Variants in GTF2IRD1 observed in about 807,000 individuals in gnomAD.
The protein encoded by GTF2IRD1 is general transcription factor II-I repeat domain-containing protein 1.
GTF2IRD1 carries 26 observed loss-of-function variants against 113.2 expected under a neutral mutation model. The ratio of observed to expected loss-of-function variants is 0.23; its 90% CI spans 0.17 to 0.32. The LOEUF is 0.32. Ranked by LOEUF, GTF2IRD1 falls within the 10% of genes least tolerant of loss-of-function variation. The probability of loss-of-function intolerance (pLI) is 1.00; values close to 1 mark genes in which losing one functional copy is unlikely to be tolerated. For synonymous variants in GTF2IRD1, 484 were observed against 529.1 expected (o/e 0.91, Z 1.17); for missense variants, 864 against 1,280.8 (o/e 0.67, Z 4.97).
intron 22 of GTF2IRD1, among the ~76,000 whole-genome samples, chr7:74,574,111 G>C (rs2130886759): frequency 6.7e-6 from 1 of 150,356 alleles, no homozygotes; most frequent in Middle Eastern, 3.6e-3. Flanking sequence ...AGCCTCCTGA[G>C]CATCTGGGAT....
chr7:74,487,949 T>C (rs1383972192), intron 1 of GTF2IRD1, among the ~76,000 whole-genome samples: 1 of 152,104 alleles, frequency 6.6e-6, no homozygotes, highest in African/African-American at 2.4e-5. Context: ...AACATCATGG[T>C]AAGAGGGTGG....
intron 1 of GTF2IRD1, among the ~76,000 whole-genome samples, chr7:74,482,900 C>T (rs542983379): frequency 7.2e-5 from 11 of 152,290 alleles, no homozygotes; most frequent in South Asian, 6.2e-4. Context: ...ACACATGTAC[C>T]GTGGAAACAG....
intron 1 of GTF2IRD1, among the ~76,000 whole-genome samples, chr7:74,457,661 T>C (rs1270455307): frequency 6.6e-6 from 1 of 152,092 alleles, no homozygotes; most frequent in Non-Finnish European, 1.5e-5. Context: ...CTCTCAGTTC[T>C]CTGACTCTCG....
chr7:74,522,267 A>AG, intron 7 of GTF2IRD1, among the ~76,000 whole-genome samples: 1 of 152,044 alleles, frequency 6.6e-6, no homozygotes, highest in Admixed American at 6.5e-5. Flanking sequence ...AAGTGGACAG[A>AG]TTTTTAAAGT....
rs150921901 is a variant in GTF2IRD1 at position 74,545,766 on chromosome 7, G to T, written c.1689G>T (p.Arg563=). 419 of 1,613,002 alleles carry T rather than the reference G, an allele frequency of 2.6e-4. No individual in the cohort carries two copies. The highest frequency in any genetic ancestry group is 3.4e-4 in the Non-Finnish European group (397 of 1,179,790). Residue 563 remains arginine (R), a synonymous_variant, in exon 16 of 27, where the codon CGG becomes CGT. Transcript: ENST00000424337. ...CAGACAGCCACGGTGACGTGATCCG[G>T]CCCCTGCGGAAGCAGGTGGAGCTGC... ...PVEDSHGDVI[R]PLRKQVELLF... is the part of the protein sequence containing the mutation.
chr7:74,556,050 G>C (rs587712659), intron 19 of GTF2IRD1, among the ~76,000 whole-genome samples: 1 of 152,078 alleles, frequency 6.6e-6, no homozygotes, highest in Non-Finnish European at 1.5e-5. Context: ...AGGAGTTCAA[G>C]ACCAGCCTGG....
chr7:74,539,745 A>T (rs1258898171), intron 13 of GTF2IRD1, 134 bp from the exon 14 acceptor site: 1 of 605,238 alleles, frequency 1.7e-6, no homozygotes, highest in African/African-American at 1.9e-5. Context: ...CTCCATCTCA[A>T]ACCAAAAAAA....
intron 22 of GTF2IRD1, among the ~76,000 whole-genome samples, chr7:74,577,491 A>C (rs1554364901): frequency 6.6e-6 from 1 of 152,146 alleles, no homozygotes; most frequent in East Asian, 1.9e-4. Context: ...CACATCTCCT[A>C]AGAAAACACT....
In GTF2IRD1 at chr7:74,602,589, A is replaced by AAT; in HGVS notation, c.*157_*158insTA. ...CAAGGCCTTTTTAAATAAGTAAAAA[A>AAT]AGAAAAAAAAAAAAAAGAGTGTTGC... On this transcript the variant is annotated 3_prime_UTR_variant, in exon 27 of 27. Coordinates refer to ENST00000424337, the MANE Select transcript of GTF2IRD1 (RefSeq NM_005685.4). The AAT allele has an allele frequency of 7.2e-6, 3 of 418,098 alleles. No homozygotes were observed. The highest frequency in any genetic ancestry group is 1.2e-5 in the Non-Finnish European group (3 of 258,878). 25.9% of individuals were successfully genotyped at this position (418,098 alleles called of 1,614,324 possible).
chr7:74,567,193 T>G (rs1481122546), intron 22 of GTF2IRD1, among the ~76,000 whole-genome samples: 2 of 151,912 alleles, frequency 1.3e-5, no homozygotes, highest in Admixed American at 1.3e-4. Context: ...CTGGGCATGG[T>G]GGCGCATGCC....
At chr7:74,582,909 T>C (rs1197348684) in intron 22 of GTF2IRD1, among the ~76,000 whole-genome samples, 1 of 151,556 alleles carries the variant, frequency 6.6e-6, no homozygotes, top group Non-Finnish European at 1.5e-5. Context: ...ATTAGCTGGG[T>C]GTGGTAGCCC....
chr7:74,553,684 G>C (rs1341109620), intron 17 of GTF2IRD1, among the ~76,000 whole-genome samples: 1 of 152,176 alleles, frequency 6.6e-6, no homozygotes. Flanking sequence ...CGTCTGGTGG[G>C]TTTGAGGCCA....
intron 8 of GTF2IRD1, among the ~76,000 whole-genome samples, chr7:74,525,706 G>A (rs782269846): frequency 2.0e-5 from 3 of 151,468 alleles, no homozygotes; most frequent in Non-Finnish European, 4.4e-5. Flanking sequence ...GCAGTGGGCC[G>A]AGATCACGCC....
In GTF2IRD1 at chr7:74,577,821, ATATTT is replaced by A. The variant is rs587617616; in HGVS notation, c.2321-12023_2321-12019del. ...GCACACGTGCTACCATGCCCAGCTCATATTTTATTTTTTACTTTTGTAGAGATAGG... is the reference window on the plus strand; with the variant it reads ...GCACACGTGCTACCATGCCCAGCTCATATTTTTTACTTTTGTAGAGATAGG... On this transcript the variant is annotated intron_variant, in intron 22 of 26. Coordinates refer to ENST00000424337, the MANE Select transcript of GTF2IRD1 (RefSeq NM_005685.4). Among the ~76,000 whole-genome samples, 31 of 152,080 alleles carry A rather than the reference ATATTT, an allele frequency of 2.0e-4. No individual in the cohort carries two copies. The East Asian group carries it at 5.6e-3, about 28-fold the overall frequency.
intron 17 of GTF2IRD1, among the ~76,000 whole-genome samples, chr7:74,553,456 T>G (rs1490922484): frequency 2.6e-5 from 4 of 151,916 alleles, no homozygotes; most frequent in African/African-American, 9.7e-5. Flanking sequence ...CCTGGCTAAT[T>G]TTTACATTTT....
Position 74,538,669 on chromosome 7 carries a change from C to A in GTF2IRD1, c.1448-11C>A, listed in dbSNP as rs1554350851. The stretch of plus-strand genomic sequence containing the variant: ...CCAGACTTGACAGGATTCTTCCTTT[C>A]CTCCTTGCAGGAACCTCCGGGGAGC... On this transcript the variant is annotated splice_polypyrimidine_tract_variant and intron_variant, in intron 12 of 26. Transcript: ENST00000424337. 4.6e-6 allele frequency: 7 copies of A among 1,523,356 alleles called. No homozygotes were observed. The South Asian group carries it at 7.8e-5, about 17-fold the overall frequency. 94.4% of individuals were successfully genotyped at this position (1,523,356 alleles called of 1,614,324 possible).
chr7:74,515,613 T>C lies in GTF2IRD1; in HGVS notation c.421+17T>C. The C allele has an allele frequency of 1.9e-6, 3 of 1,595,776 alleles. No homozygotes were observed. Among genetic ancestry groups the C allele is most frequent in the Non-Finnish European group, 2.6e-6 (3 of 1,166,714 alleles). On this transcript the variant is annotated intron_variant, in intron 4 of 26. Transcript: ENST00000424337. ...TTCTTTATAGTAAGATCCTTCCTCATTCCATTTGGGGGCCCCAGGGAGGGT... is the reference window on the plus strand; with the variant it reads ...TTCTTTATAGTAAGATCCTTCCTCACTCCATTTGGGGGCCCCAGGGAGGGT...
rs542491624 is a variant in GTF2IRD1 at position 74,466,722 on chromosome 7, C to T, written c.-7+12546C>T. 1.1e-4 allele frequency among the ~76,000 whole-genome samples: 16 copies of T among 152,172 alleles called. No homozygotes were observed. The South Asian group carries it at 2.5e-3, about 24-fold the overall frequency. On this transcript the variant is annotated intron_variant, in intron 1 of 26. Transcript: ENST00000424337. ...CTTGTCTGTGTCCCCAGCCACAGCCCGCATCACAAACAAGACTATAATTGC... is the reference window on the plus strand; with the variant it reads ...CTTGTCTGTGTCCCCAGCCACAGCCTGCATCACAAACAAGACTATAATTGC...
Position 74,528,689 on chromosome 7 carries a change from G to A in GTF2IRD1, c.1091-1045G>A, listed in dbSNP as rs587708124. ...CACCTGAAAGGAGGGAGGGAGGGAG[G>A]GAGGGAAGGAAAGATGGGTGGATGG... On this transcript the variant is annotated intron_variant, in intron 8 of 26. Coordinates refer to ENST00000424337, the MANE Select transcript of GTF2IRD1 (RefSeq NM_005685.4). Among the ~76,000 whole-genome samples, 24 of 147,802 alleles carry A rather than the reference G, an allele frequency of 1.6e-4. 2 individuals are homozygous for A. In the South Asian group the frequency reaches 5.2e-3, roughly 32 times the overall value.
Sources: allele counts gnomAD v4.1 joint callset (sites outside exome capture counted in the v4.1 genomes callset), GRCh38; gene constraint gnomAD v4.1.1; transcripts MANE v1.5; gene names NCBI Gene and HGNC (gene_info 2026-07-23, HGNC 2026-07-21).